The following MARCHF6 variants were observed in gnomAD, a reference collection of about 807,000 sequenced individuals.
The protein encoded by MARCHF6 is membrane associated ring-CH-type finger 6, also known as E3 ubiquitin-protein ligase MARCHF6.
A neutral mutation model predicts 133.7 loss-of-function variants in MARCHF6; 31 were observed. The ratio of observed to expected loss-of-function variants is 0.23; its 90% CI spans 0.17 to 0.31. The LOEUF (loss-of-function observed/expected upper bound fraction) is 0.31. Ranked by LOEUF, MARCHF6 falls within the 10% of genes least tolerant of loss-of-function variation. The pLI, the probability that MARCHF6 is intolerant of heterozygous loss-of-function variation, is 1.00. For synonymous variants in MARCHF6, 395 were observed against 402.5 expected (o/e 0.98, Z 0.22); for missense variants, 723 against 1,121.6 (o/e 0.64, Z 5.08).
chr5:10,429,389 C>T (rs1740253317), intron 24 of MARCHF6, among the ~76,000 whole-genome samples: 1 of 148,140 alleles, frequency 6.8e-6, no homozygotes. Context: ...TCATCTCGTC[C>T]AGTTCCTTTT....
At chr5:10,409,710 C>A (rs1001925323) in intron 17 of MARCHF6, among the ~76,000 whole-genome samples, 2 of 152,010 alleles carry the variant, frequency 1.3e-5, no homozygotes. Context: ...AAACAGGAAG[C>A]CAGCTGGGAG....
At chr5:10,423,353 T>C (rs1739926487) in intron 22 of MARCHF6, among the ~76,000 whole-genome samples, 1 of 152,348 alleles carries the variant, frequency 6.6e-6, no homozygotes, top group Middle Eastern at 3.4e-3. Flanking sequence ...GGCCAAACTT[T>C]GCTCCACAGT....
chr5:10,394,082 A>G lies in MARCHF6; in HGVS notation c.767A>G (p.Asp256Gly). Residue 256 changes from aspartate (D) to glycine (G), a missense_variant and splice_region_variant, in exon 8 of 26, where the codon GAT becomes GGT. This residue lies in a region of MARCHF6 where 97 missense variants were observed against 115.4 expected (regional missense o/e 0.84). Coordinates refer to ENST00000274140, the MANE Select transcript of MARCHF6 (RefSeq NM_005885.4). ...CTTTAAATTGCAATTATATTTTCAG[A>G]TGACATGAATTGGAATGCTTTAGAA... is the stretch of plus-strand genomic sequence containing the variant. ...DAADANNGAQ[D>G]DMNWNALEWD... 1 of 1,528,436 alleles carries G rather than the reference A, an allele frequency of 6.5e-7. No homozygotes were observed. The highest frequency in any genetic ancestry group is 8.8e-7 in the Non-Finnish European group (1 of 1,132,824). The allele number at this position is 1,528,436 out of a possible 1,614,324, so 94.7% of individuals were successfully genotyped here. A position where few individuals can be genotyped will look rare whatever the true frequency, so the allele number is the denominator to read the frequency against.
At chr5:10,413,691 A>G (rs1739352358) in intron 19 of MARCHF6, among the ~76,000 whole-genome samples, 1 of 152,224 alleles carries the variant, frequency 6.6e-6, no homozygotes, top group Non-Finnish European at 1.5e-5. Flanking sequence ...CATGTCTTAC[A>G]TGGCAGCAGG....
chr5:10,408,652 C>T (rs1171059333), intron 17 of MARCHF6, among the ~76,000 whole-genome samples: 4 of 152,236 alleles, frequency 2.6e-5, no homozygotes, highest in Admixed American at 2.0e-4. Flanking sequence ...GATCTTCCCA[C>T]TTCAGCGTCC....
In MARCHF6 at chr5:10,436,732, G is replaced by C. The variant is rs1234295723; in HGVS notation, c.*3048G>C. 6.6e-6 allele frequency: 1 copy of C among 152,124 alleles called. No homozygotes were observed. The highest frequency in any genetic ancestry group is 1.9e-4 in the East Asian group (1 of 5,198). The allele number at this position is 152,124 out of a possible 1,614,324, so 9.4% of individuals were successfully genotyped here. A position where few individuals can be genotyped will look rare whatever the true frequency, so the allele number is the denominator to read the frequency against. ...AGTACTAATAGTTGAGATGAAAACT[G>C]AAGAAAAATGCCAATGTGACGTTTG... On this transcript the variant is annotated 3_prime_UTR_variant, in exon 26 of 26. Transcript: ENST00000274140.
At chr5:10,364,595 G>A (rs1736019132) in intron 1 of MARCHF6, among the ~76,000 whole-genome samples, 1 of 152,144 alleles carries the variant, frequency 6.6e-6, no homozygotes, top group Non-Finnish European at 1.5e-5. Flanking sequence ...TTGAGAAGGG[G>A]ATACATGGAT....
intron 7 of MARCHF6, among the ~76,000 whole-genome samples, 188 bp downstream of exon 7, chr5:10,391,919 A>T (rs1484630296): frequency 6.6e-6 from 1 of 151,252 alleles, no homozygotes; most frequent in Non-Finnish European, 1.5e-5. Context: ...TTTCTATGAA[A>T]CAGGGCATGT....
At position 10,435,958 on chromosome 5, in the gene MARCHF6, TC is replaced by T. The variant is rs1247310068; in HGVS notation, c.*2276del. The T allele has an allele frequency of 6.6e-6, 1 of 151,450 alleles. No homozygotes were observed. Among genetic ancestry groups the T allele is most frequent in the African/African-American group, 2.4e-5 (1 of 41,170 alleles). The allele number at this position is 151,450 out of a possible 1,614,324, so 9.4% of individuals were successfully genotyped here. A position where few individuals can be genotyped will look rare whatever the true frequency, so the allele number is the denominator to read the frequency against. ...TCTCGGAACTCCTGACTGCAGGTGA[TC>T]CGTCCTCCTTGGGCTCCCAAAGTGC... On this transcript the variant is annotated 3_prime_UTR_variant, in exon 26 of 26. Transcript: ENST00000274140.
At chr5:10,358,516 A>G (rs1206510251) in intron 1 of MARCHF6, among the ~76,000 whole-genome samples, 1 of 152,106 alleles carries the variant, frequency 6.6e-6, no homozygotes, top group Non-Finnish European at 1.5e-5. Context: ...TTTTCTTGTC[A>G]TTATTCCTCA....
chr5:10,394,095 G>A lies in MARCHF6; in HGVS notation c.780G>A (p.Trp260Ter). ...ANNGAQDDMN[W>*]NALEWDRAAE... ...TTATATTTTCAGATGACATGAATTG[G>A]AATGCTTTAGAATGGGACCGAGCTG... Residue 260 changes from tryptophan (W) to a stop codon, truncating the protein, a stop_gained, in exon 8 of 26, where the codon TGG becomes TGA. Coordinates refer to ENST00000274140, the MANE Select transcript of MARCHF6 (RefSeq NM_005885.4). LOFTEE classifies it high-confidence loss of function. 6.5e-7 allele frequency: 1 copy of A among 1,546,360 alleles called. No homozygotes were observed. The highest frequency in any genetic ancestry group is 8.7e-7 in the Non-Finnish European group (1 of 1,144,292).
intron 4 of MARCHF6, among the ~76,000 whole-genome samples, chr5:10,385,131 T>G (rs983271296): frequency 6.6e-6 from 1 of 152,242 alleles, no homozygotes. Flanking sequence ...TAAAACAGGT[T>G]ACATTCATCT....
intron 17 of MARCHF6, among the ~76,000 whole-genome samples, 153 bp from the exon 18 acceptor site, chr5:10,409,986 T>C (rs1415321750): frequency 6.6e-6 from 1 of 152,182 alleles, no homozygotes; most frequent in East Asian, 1.9e-4. Context: ...TGGTGGAGTT[T>C]GTGGGGAAAG....
In MARCHF6 at chr5:10,428,331, GTTTTTTTT is replaced by G. The variant is rs10604024; in HGVS notation, c.2507-1543_2507-1536del. Among the ~76,000 whole-genome samples, 19 of 75,790 alleles carry G rather than the reference GTTTTTTTT, an allele frequency of 2.5e-4. No individual in the cohort carries two copies. The East Asian group carries it at 8.0e-3, about 32-fold the overall frequency. 49.7% of individuals were successfully genotyped at this position (75,790 alleles called of 152,430 possible). A position where few individuals can be genotyped will look rare whatever the true frequency, so the allele number is the denominator to read the frequency against. ...ATATTTCAAAGCCCATTGCTTTTTA[GTTTTTTTT>G]TTTTTTTTTTTTTTTTTTGAGAGAC... On this transcript the variant is annotated intron_variant, in intron 24 of 25. Transcript: ENST00000274140.
At chr5:10,363,117 G>A (rs185916413) in intron 1 of MARCHF6, among the ~76,000 whole-genome samples, 214 of 152,152 alleles carry the variant, frequency 1.4e-3, no homozygotes, top group East Asian at 6.0e-3. Context: ...GAAATTCTTC[G>A]GAATCTTGGG....
intron 1 of MARCHF6, among the ~76,000 whole-genome samples, chr5:10,369,600 A>G (rs1325634542): frequency 5.6e-5 from 1 of 17,780 alleles, no homozygotes; most frequent in African/African-American, 1.8e-4. Flanking sequence ...GAATAGTTCC[A>G]TTACCCCCCC....
In MARCHF6 at chr5:10,391,742, CT is replaced by C; in HGVS notation, c.766+13del. The C allele has an allele frequency of 6.6e-7, 1 of 1,519,332 alleles. No individual in the cohort carries two copies. Among genetic ancestry groups the C allele is most frequent in the African/African-American group, 1.4e-5 (1 of 71,020 alleles). 94.1% of individuals were successfully genotyped at this position (1,519,332 alleles called of 1,614,324 possible). On this transcript the variant is annotated intron_variant, in intron 7 of 25. Coordinates refer to ENST00000274140, the MANE Select transcript of MARCHF6 (RefSeq NM_005885.4). ...ATAACGGAGCCCAGGGTAATGGCTG[CT>C]TGTGTGTCCTCACTCTTCAGCACTG...
intron 14 of MARCHF6, 97 bp from the exon 15 acceptor site, chr5:10,403,310 G>T (rs1475935872): frequency 8.5e-7 from 1 of 1,178,574 alleles, no homozygotes. Context: ...ATTGTTCCTT[G>T]CATGCATATT....
At position 10,375,462 on chromosome 5, in the gene MARCHF6, G is replaced by A. The variant is rs995358256; in HGVS notation, c.20-2336G>A. On this transcript the variant is annotated intron_variant, in intron 1 of 25. Transcript: ENST00000274140. ...CCACCCACTCCATGGGCTCCTGTGC[G>A]GCCCGAGCCTCCCCGACGAGCACCA... Among the ~76,000 whole-genome samples, 4 of 152,360 alleles carry A rather than the reference G, an allele frequency of 2.6e-5. No homozygotes were observed. In the East Asian group the frequency reaches 7.7e-4, roughly 29 times the overall value.
Sources: allele counts gnomAD v4.1 joint callset (sites outside exome capture counted in the v4.1 genomes callset), GRCh38; gene constraint gnomAD v4.1.1; regional missense constraint gnomAD v4.1.1; transcripts MANE v1.5; gene names NCBI Gene and HGNC (gene_info 2026-07-23, HGNC 2026-07-21).